CSMD1: variants seen among roughly 807,000 people sequenced by gnomAD.
CSMD1 encodes the protein CUB and sushi domain-containing protein 1.
Under a neutral mutation model 417.5 loss-of-function variants are expected in CSMD1, and 213 were observed. That is an observed-to-expected ratio of 0.51 (90% confidence interval 0.46 to 0.57). The LOEUF (loss-of-function observed/expected upper bound fraction) is 0.57, where lower values mean the gene tolerates loss of function less well. Among genes scored for constraint, CSMD1 ranks in the 20% least tolerant of loss-of-function variants. CSMD1 has a pLI of 0.00. For missense variants in CSMD1, 6,923 were observed against 4,529.7 expected, an observed-to-expected ratio of 1.53 and a Z score of -15.17; for synonymous variants, 2,862 against 1,736.8, an observed-to-expected ratio of 1.65 and a Z score of -16.11.
At chr8:4,252,662 G>C (rs528400812) in intron 3 of CSMD1, among the ~76,000 whole-genome samples, 7 of 152,322 alleles carry the variant, frequency 4.6e-5, no homozygotes, top group Admixed American at 2.6e-4. Flanking sequence ...AAATGGAACA[G>C]GCTTTTATGT....
intron 3 of CSMD1, among the ~76,000 whole-genome samples, chr8:4,384,790 A>T (rs574500116): frequency 6.6e-6 from 1 of 152,158 alleles, no homozygotes; most frequent in Non-Finnish European, 1.5e-5. Context: ...CGACTTCACT[A>T]ATCAGTCCTA....
At chr8:3,321,365 G>A (rs140795582) in intron 23 of CSMD1, among the ~76,000 whole-genome samples, 3 of 152,246 alleles carry the variant, frequency 2.0e-5, no homozygotes, top group Non-Finnish European at 2.9e-5. Flanking sequence ...GATCCTCCCT[G>A]CCCTTTAAGA....
chr8:4,309,561 G>C lies in CSMD1; in HGVS notation c.415+110392C>G, dbSNP rs529284978. On this transcript the variant is annotated intron_variant, in intron 3 of 69. Transcript: ENST00000635120. ...AGTATAAATCATAGGCTCACATCAAGCAGCCAAACTCTCAGTTCATATGAA... is the reference window on the plus strand; with the variant it reads ...AGTATAAATCATAGGCTCACATCAACCAGCCAAACTCTCAGTTCATATGAA... Among the ~76,000 whole-genome samples the C allele has an allele frequency of 5.7e-4, 86 of 152,120 alleles. 1 individual carries two copies. In the South Asian group the frequency reaches 0.016, roughly 29 times the overall value.
intron 1 of CSMD1, among the ~76,000 whole-genome samples, chr8:4,755,386 T>A (rs1287462266): frequency 6.6e-6 from 1 of 152,216 alleles, no homozygotes; most frequent in Non-Finnish European, 1.5e-5. Context: ...AAAGTGCTGC[T>A]TTCTCCTGAA....
chr8:4,045,450 C>T (rs190486247), intron 3 of CSMD1, among the ~76,000 whole-genome samples: 22 of 152,262 alleles, frequency 1.4e-4, no homozygotes, highest in African/African-American at 5.3e-4. Flanking sequence ...CTGAGAACGT[C>T]GGAAGGGCCA....
At chr8:3,042,866 C>T (rs2086840) in intron 50 of CSMD1, among the ~76,000 whole-genome samples, 10,027 of 151,816 alleles carry the variant, frequency 0.066, 1,081 homozygotes, top group African/African-American at 0.23. Context: ...TATACGTACA[C>T]AGAGTACTAT....
intron 12 of CSMD1, among the ~76,000 whole-genome samples, chr8:3,429,356 G>A (rs938802454): frequency 6.6e-6 from 1 of 152,206 alleles, no homozygotes; most frequent in Admixed American, 6.5e-5. Flanking sequence ...GAAACAATTT[G>A]GTAACTTTTT....
chr8:4,697,101 G>C (rs562831633), intron 1 of CSMD1, among the ~76,000 whole-genome samples: 2 of 152,266 alleles, frequency 1.3e-5, no homozygotes, highest in East Asian at 1.9e-4. Context: ...GAACCCAGGA[G>C]GGGGAGGTTG....
chr8:3,823,983 A>C (rs1230438590), intron 5 of CSMD1, among the ~76,000 whole-genome samples: 1 of 152,170 alleles, frequency 6.6e-6, no homozygotes, highest in Non-Finnish European at 1.5e-5. Flanking sequence ...ATAGTTCTGA[A>C]ACCTAATAAT....
At chr8:4,762,403 C>T (rs1268862870) in intron 1 of CSMD1, among the ~76,000 whole-genome samples, 3 of 152,148 alleles carry the variant, frequency 2.0e-5, no homozygotes, top group South Asian at 2.1e-4. Flanking sequence ...GTATTCTGAG[C>T]TATTACATAT....
At chr8:3,101,583 T>C (rs1264940959) in intron 46 of CSMD1, among the ~76,000 whole-genome samples, 1 of 151,736 alleles carries the variant, frequency 6.6e-6, no homozygotes, top group Admixed American at 6.6e-5. Context: ...CAACCATGCC[T>C]GGCTAATTTT....
intron 3 of CSMD1, among the ~76,000 whole-genome samples, chr8:4,152,873 T>G (rs1157309077): frequency 2.0e-5 from 3 of 152,088 alleles, no homozygotes; most frequent in African/African-American, 7.2e-5. Context: ...AATGAGAAAT[T>G]AACATCAAAT....
intron 3 of CSMD1, among the ~76,000 whole-genome samples, chr8:4,302,992 T>A (rs187218348): frequency 2.4e-4 from 36 of 152,192 alleles, no homozygotes; most frequent in Admixed American, 9.8e-4. Flanking sequence ...GTATATCAAA[T>A]AGACACAAAA....
At chr8:3,132,366 T>G (rs185520830) in intron 41 of CSMD1, among the ~76,000 whole-genome samples, 127 of 152,260 alleles carry the variant, frequency 8.3e-4, no homozygotes, top group South Asian at 1.0e-3. Context: ...CAAAAAAATT[T>G]GACTTAAAAT....
chr8:3,284,097 C>T (rs1010554430), intron 26 of CSMD1, 47 bp downstream of exon 26: 11 of 1,402,404 alleles, frequency 7.8e-6, no homozygotes, highest in South Asian at 1.2e-5. Flanking sequence ...GTGTTCATGA[C>T]AAGACTTTGA....
At chr8:4,417,174 A>G (rs1484622995) in intron 3 of CSMD1, among the ~76,000 whole-genome samples, 1 of 152,056 alleles carries the variant, frequency 6.6e-6, no homozygotes, top group Non-Finnish European at 1.5e-5. Context: ...CAAATACTGT[A>G]AATAATCAAT....
chr8:4,365,662 G>A (rs1485076520), intron 3 of CSMD1, among the ~76,000 whole-genome samples: 1 of 152,126 alleles, frequency 6.6e-6, no homozygotes, highest in Non-Finnish European at 1.5e-5. Flanking sequence ...GCTTCCTGTG[G>A]TTAAAACCTA....
Position 4,628,013 on chromosome 8 carries a change from G to C in CSMD1, c.302+9329C>G, listed in dbSNP as rs1191905679. ...TGACAATTAAAAAAAAATGTCTCTA[G>C]ATACTGCCACTGTTCCCTGGGACAA... On this transcript the variant is annotated intron_variant, in intron 2 of 69. Transcript: ENST00000635120. Among the ~76,000 whole-genome samples the C allele has an allele frequency of 2.6e-5, 4 of 151,654 alleles. No individual in the cohort carries two copies. The East Asian group carries it at 5.8e-4, about 22-fold the overall frequency.
At chr8:3,608,938 G>C (rs1801755108) in intron 8 of CSMD1, among the ~76,000 whole-genome samples, 1 of 152,054 alleles carries the variant, frequency 6.6e-6, no homozygotes, top group South Asian at 2.1e-4. Flanking sequence ...TTGGAATGCT[G>C]AGCTCAAGGG....
Sources: allele counts gnomAD v4.1 joint callset (sites outside exome capture counted in the v4.1 genomes callset), GRCh38; gene constraint gnomAD v4.1.1; transcripts MANE v1.5; gene names NCBI Gene and HGNC (gene_info 2026-07-23, HGNC 2026-07-21).